The following OXR1 variants were observed in gnomAD, a reference collection of about 807,000 sequenced individuals.
The protein encoded by OXR1 is oxidation resistance 1.
OXR1 carries 41 observed loss-of-function variants against 104.6 expected under a neutral mutation model. The ratio of observed to expected loss-of-function variants is 0.39; its 90% confidence interval spans 0.31 to 0.51. OXR1 has a LOEUF of 0.51. Ranked by LOEUF, OXR1 falls within the 20% of genes least tolerant of loss-of-function variation. The pLI is 0.77. For synonymous variants in OXR1, 348 were observed against 348.4 expected, an observed-to-expected ratio of 1.00 and a Z score of 0.01; for missense variants, 955 against 1,031.9, an observed-to-expected ratio of 0.93 and a Z score of 1.02.
intron 3 of OXR1, among the ~76,000 whole-genome samples, chr8:106,585,972 C>T (rs1342482058): frequency 6.6e-6 from 1 of 152,138 alleles, no homozygotes; most frequent in South Asian, 2.1e-4. Flanking sequence ...ATCTTAGAAG[C>T]TTTTACTCCC....
intron 1 of OXR1, chr8:106,272,844 C>T (rs1036999888): frequency 6.6e-6 from 1 of 151,960 alleles, no homozygotes; most frequent in Non-Finnish European, 1.5e-5. Context: ...AATAAATGAT[C>T]ATTTTAGCCA....
intron 3 of OXR1, among the ~76,000 whole-genome samples, chr8:106,618,486 G>T (rs763704093): frequency 6.6e-5 from 10 of 152,178 alleles, no homozygotes; most frequent in Admixed American, 2.0e-4. Context: ...TGCTAATTAT[G>T]ATTCCATAAG....
rs936462052 is a variant in OXR1, at chr8:106,697,794, C to T, written c.675+4917C>T. On this transcript the variant is annotated intron_variant, in intron 7 of 16. Coordinates refer to ENST00000517566, the MANE Select transcript of OXR1 (RefSeq NM_001198533.2). ...CCTGGATCTTCTTTACTGGGACCTGCCCCTTGGGGTACAGTGCATTATTGA... is the reference window on the plus strand; with the variant it reads ...CCTGGATCTTCTTTACTGGGACCTGTCCCTTGGGGTACAGTGCATTATTGA... 4 of 1,612,440 alleles carry T rather than the reference C, an allele frequency of 2.5e-6. No homozygotes were observed. The South Asian group carries it at 3.3e-5, about 13-fold the overall frequency.
At chr8:106,714,085 G>A in intron 11 of OXR1, 100 bp downstream of exon 11, 1 of 905,738 alleles carries the variant, frequency 1.1e-6, no homozygotes, top group Non-Finnish European at 1.6e-6. Flanking sequence ...CACAAAAGAG[G>A]AATTTTTTTA....
intron 3 of OXR1, among the ~76,000 whole-genome samples, chr8:106,587,715 C>G (rs1458212618): frequency 2.6e-5 from 4 of 152,044 alleles, no homozygotes; most frequent in Non-Finnish European, 5.9e-5. Flanking sequence ...TTTTCCTTCC[C>G]TCCTCTTCAT....
At chr8:106,592,227 T>C (rs185254562) in intron 3 of OXR1, among the ~76,000 whole-genome samples, 14 of 152,306 alleles carry the variant, frequency 9.2e-5, no homozygotes, top group Admixed American at 7.8e-4. Context: ...AAAATCAAGA[T>C]CTTTGCACTT....
intron 3 of OXR1, among the ~76,000 whole-genome samples, chr8:106,640,740 A>C (rs1404103477): frequency 6.6e-6 from 1 of 152,222 alleles, no homozygotes; most frequent in Non-Finnish European, 1.5e-5. Context: ...GAGAAAGACA[A>C]ATTTAAAATT....
At chr8:106,429,609 G>A (rs1449337099) in intron 2 of OXR1, among the ~76,000 whole-genome samples, 2 of 149,252 alleles carry the variant, frequency 1.3e-5, no homozygotes, top group Non-Finnish European at 3.0e-5. Flanking sequence ...GCAGTGAGCC[G>A]AGATCTCGCC....
At chr8:106,594,472 G>A (rs1446495823) in intron 3 of OXR1, among the ~76,000 whole-genome samples, 4 of 152,124 alleles carry the variant, frequency 2.6e-5, no homozygotes, top group South Asian at 2.1e-4. Flanking sequence ...AGACCCCCAC[G>A]GAAGCCTTGG....
chr8:106,373,685 G>T (rs1245013381), intron 2 of OXR1, among the ~76,000 whole-genome samples: 1 of 152,158 alleles, frequency 6.6e-6, no homozygotes, highest in Admixed American at 6.5e-5. Flanking sequence ...GACCTCCGAG[G>T]TTCAAGTGAT....
At chr8:106,690,992 G>A (rs757282750) in intron 6 of OXR1, among the ~76,000 whole-genome samples, 5 of 151,924 alleles carry the variant, frequency 3.3e-5, no homozygotes, top group Non-Finnish European at 7.4e-5. Context: ...AGGCAAGAAG[G>A]GAAGTGGACA....
At chr8:106,656,012 G>T (rs139784937) in intron 3 of OXR1, 1 of 151,818 alleles carries the variant, frequency 6.6e-6, no homozygotes, top group Non-Finnish European at 1.5e-5. Context: ...ATAACAAACC[G>T]GTAAATTTTT....
At chr8:106,472,113 T>A (rs750989539) in intron 2 of OXR1, among the ~76,000 whole-genome samples, 63 of 151,806 alleles carry the variant, frequency 4.2e-4, no homozygotes, top group Admixed American at 5.3e-4. Context: ...TTATCATCCA[T>A]GACGTTCCCA....
intron 2 of OXR1, among the ~76,000 whole-genome samples, chr8:106,412,695 T>G (rs1818506360): frequency 6.6e-6 from 1 of 152,198 alleles, no homozygotes; most frequent in Non-Finnish European, 1.5e-5. Context: ...ACCTTAATTT[T>G]TATTGGCTGC....
chr8:106,303,387 C>T (rs1191926694), intron 1 of OXR1, among the ~76,000 whole-genome samples: 3 of 150,952 alleles, frequency 2.0e-5, no homozygotes, highest in Middle Eastern at 3.4e-3. Flanking sequence ...CCGAGTAGCC[C>T]GCCACCACGC....
At chr8:106,503,235 A>G (rs1281434369) in intron 2 of OXR1, among the ~76,000 whole-genome samples, 1 of 152,170 alleles carries the variant, frequency 6.6e-6, no homozygotes, top group Non-Finnish European at 1.5e-5. Flanking sequence ...GCCAGAGAAC[A>G]ATAATGACCG....
chr8:106,706,522 T>G lies in OXR1; in HGVS notation c.1001T>G (p.Leu334Arg). 6.2e-7 allele frequency: 1 copy of G among 1,606,556 alleles called. No homozygotes were observed. The highest frequency in any genetic ancestry group is 8.5e-7 in the Non-Finnish European group (1 of 1,178,236). ...STAPRSTEES[L>R]SEDVFTESEL... is the part of the protein sequence containing the mutation. ...GCTCCTAGGAGCACTGAGGAGTCTC[T>G]TTCTGAAGATGTGTTCACAGAATCA... Residue 334 changes from leucine to arginine, a missense_variant, in exon 9 of 17, where the codon CTT becomes CGT. This residue lies in a region of OXR1 where 849 missense variants were observed against 852.9 expected (regional missense o/e 1.00). Coordinates refer to ENST00000517566, the MANE Select transcript of OXR1 (RefSeq NM_001198533.2).
Position 106,683,255 on chromosome 8 carries a change from C to T in OXR1, c.360C>T (p.Asn120=), listed in dbSNP as rs537961089. ...CCCTGAAGTTTGATACAACACCTAA[C>T]GAACTTGTTCAATTAAATAAGTTAT... ...SIALKFDTTP[N]ELVQLNKLFS... Residue 120 remains asparagine (N), a synonymous_variant, in exon 5 of 17, where the codon AAC becomes AAT. Coordinates refer to ENST00000517566, the MANE Select transcript of OXR1 (RefSeq NM_001198533.2). 6.2e-6 allele frequency: 10 copies of T among 1,605,920 alleles called. No homozygotes were observed. In the East Asian group the frequency reaches 9.0e-5, roughly 14 times the overall value.
chr8:106,569,265 C>T (rs1817297725), intron 3 of OXR1, among the ~76,000 whole-genome samples: 1 of 152,014 alleles, frequency 6.6e-6, no homozygotes, highest in African/African-American at 2.4e-5. Context: ...TCTTTCTTCT[C>T]AATGATTTTG....
Sources: gnomAD v4.1 joint callset for allele counts (sites outside exome capture counted in the v4.1 genomes callset) on GRCh38, gnomAD v4.1.1 for gene constraint, gnomAD v4.1.1 regional missense constraint, MANE v1.5 for transcripts, NCBI Gene and HGNC (gene_info 2026-07-23, HGNC 2026-07-21) for gene names.